The following CNNM4 variants were observed in gnomAD, a reference collection of about 807,000 sequenced individuals.
CNNM4 encodes the protein cyclin and CBS domain divalent metal cation transport mediator 4.
CNNM4 carries 32 observed loss-of-function variants against 53.7 expected under a neutral mutation model. That is an observed-to-expected ratio of 0.60 (90% CI 0.45 to 0.80). The LOEUF (loss-of-function observed/expected upper bound fraction) is 0.80. CNNM4 is among the 30% of genes least tolerant of loss of function. The pLI, the probability that CNNM4 is intolerant of heterozygous loss-of-function variation, is 0.00. For synonymous variants in CNNM4, 410 were observed against 440.0 expected, an observed-to-expected ratio of 0.93 and a Z score of 0.85; for missense variants, 784 against 1,022.0, an observed-to-expected ratio of 0.77 and a Z score of 3.17.
chr2:96,809,550 G>A lies in CNNM4; in HGVS notation c.*33G>A, dbSNP rs376793247. The A allele has an allele frequency of 1.3e-5, 21 of 1,602,754 alleles. No individual in the cohort carries two copies. The highest frequency in any genetic ancestry group is 5.0e-5 in the Admixed American group (3 of 59,868). On this transcript the variant is annotated 3_prime_UTR_variant, in exon 7 of 7. Coordinates refer to ENST00000377075, the MANE Select transcript of CNNM4 (RefSeq NM_020184.4). ...GCCCGGGGCCCCCTGCCCACCCTGC[G>A]GGGGCCTCCCCAGTGGGCCCACATG...
In CNNM4 at chr2:96,797,424, C is replaced by A; in HGVS notation, c.1547-89C>A. 6.4e-7 allele frequency: 1 copy of A among 1,563,606 alleles called. No individual in the cohort carries two copies. Among genetic ancestry groups the A allele is most frequent in the Non-Finnish European group, 8.7e-7 (1 of 1,145,094 alleles). On this transcript the variant is annotated intron_variant, in intron 2 of 6. Coordinates refer to ENST00000377075, the MANE Select transcript of CNNM4 (RefSeq NM_020184.4). The surrounding 1 kb of genome is among the most constrained non-coding windows in gnomAD (Gnocchi z 6.0). ...TGCTGCTCCTGCGTGGGACTAGGGG[C>A]TGGAGAGCAGGAGCTGCGGGGCGGG...
rs764778181 is a variant in CNNM4, at chr2:96,809,523, G to T, written c.*6G>T. ...CCCACGAGAATGCCATCTGACAGGAGGGCCCGGGGCCCCCTGCCCACCCTG... is the reference window on the plus strand; with the variant it reads ...CCCACGAGAATGCCATCTGACAGGATGGCCCGGGGCCCCCTGCCCACCCTG... On this transcript the variant is annotated 3_prime_UTR_variant, in exon 7 of 7. Transcript: ENST00000377075. 6.2e-7 allele frequency: 1 copy of T among 1,614,056 alleles called. No homozygotes were observed. Among genetic ancestry groups the T allele is most frequent in the Admixed American group, 1.7e-5 (1 of 60,022 alleles).
rs563175024 is a variant in CNNM4 at position 96,770,471 on chromosome 2, G to A, written c.1402+8070G>A. Among the ~76,000 whole-genome samples the A allele has an allele frequency of 2.8e-3, 428 of 152,264 alleles. 2 individuals carry two copies. The highest frequency in any genetic ancestry group is 9.8e-3 in the African/African-American group (408 of 41,570). ...ACATTTCAGCGGAATTTGCTAGGGC[G>A]GGTAGACATGGCGTTTTCCACTCTG... On this transcript the variant is annotated intron_variant, in intron 1 of 6. Coordinates refer to ENST00000377075, the MANE Select transcript of CNNM4 (RefSeq NM_020184.4).
intron 1 of CNNM4, among the ~76,000 whole-genome samples, chr2:96,775,448 A>C (rs2078915965): frequency 6.6e-6 from 1 of 152,126 alleles, no homozygotes; most frequent in African/African-American, 2.4e-5. Context: ...AATATTGTTG[A>C]TGGACATTGC....
intron 5 of CNNM4, among the ~76,000 whole-genome samples, chr2:96,803,530 G>A (rs1470267035): frequency 6.6e-6 from 1 of 152,072 alleles, no homozygotes; most frequent in Non-Finnish European, 1.5e-5. Context: ...TTCGAGACCA[G>A]CCTTGGCCAA....
chr2:96,768,892 G>A (rs888221800), intron 1 of CNNM4, among the ~76,000 whole-genome samples: 14 of 152,200 alleles, frequency 9.2e-5, no homozygotes. Flanking sequence ...ATCTAGGCAG[G>A]CATGCAGGGG....
rs933665899 is a variant in CNNM4, at chr2:96,761,591, A to C, written c.592A>C (p.Ile198Leu). Reference sequence around the variant, plus strand: ...TACGGTGCTGCTGGTGCTGTCGGGCATATTTTCTGGCCTCAACCTCGGGCT... The same window carrying C: ...TACGGTGCTGCTGGTGCTGTCGGGCCTATTTTCTGGCCTCAACCTCGGGCT... Reference protein sequence around the residue: ...LITVLLVLSGIFSGLNLGLMA... With the variant: ...LITVLLVLSGLFSGLNLGLMA... Residue 198 changes from isoleucine to leucine, a missense_variant, in exon 1 of 7, where the codon ATA becomes CTA. Ile to Leu is a conservative substitution (Grantham distance 5). Transcript: ENST00000377075. The surrounding 1 kb of genome is among the most constrained non-coding windows in gnomAD (Gnocchi z 6.0). 1 of 1,613,986 alleles carries C rather than the reference A, an allele frequency of 6.2e-7. No individual in the cohort carries two copies. The highest frequency in any genetic ancestry group is 1.3e-5 in the African/African-American group (1 of 74,916).
rs148013233 is a variant in CNNM4, at chr2:96,761,144, A to T, written c.145A>T (p.Met49Leu). ...GSPQQGTIVG[M>L]RLASCNKSCG... ...CCCCCAGCAGGGCACGATCGTGGGC[A>T]TGAGGCTGGCGAGCTGCAACAAGTC... The change falls in exon 1 of 7, where the codon ATG becomes TTG. Residue 49 changes from methionine to leucine, a missense_variant. Around this residue, in one of 3 missense-constraint regions of CNNM4, gnomAD observed 473 missense variants for 624.6 expected, o/e 0.76. Transcript: ENST00000377075. This position sits in a 1 kb window ranked among gnomAD's most constrained non-coding sequence, Gnocchi z 6.0. The T allele has an allele frequency of 5.6e-6, 9 of 1,604,962 alleles. No individual in the cohort carries two copies. The African/African-American group carries it at 1.1e-4, about 19-fold the overall frequency.
Position 96,799,194 on chromosome 2 carries a change from A to C in CNNM4, c.1819A>C (p.Lys607Gln). Residue 607 changes from lysine to glutamine, a missense_variant, in exon 4 of 7, where the codon AAG becomes CAG. Lys to Gln is a moderately conservative substitution (Grantham distance 53). This residue lies in a region of CNNM4 where 307 missense variants were observed against 376.3 expected (regional missense o/e 0.82). Transcript: ENST00000377075. ...CCGCCATTACCTGTACACCCGAAAT[A>C]AGCCGGCCGACTACTTCATCCTCAT... is the stretch of plus-strand genomic sequence containing the variant. ...YARHYLYTRN[K>Q]PADYFILILQ... The C allele has an allele frequency of 6.2e-7, 1 of 1,614,148 alleles. No homozygotes were observed. The highest frequency in any genetic ancestry group is 8.5e-7 in the Non-Finnish European group (1 of 1,180,008).
Position 96,760,980 on chromosome 2 carries a change from G to GGCGGCA in CNNM4, c.-18_-13dup. On this transcript the variant is annotated 5_prime_UTR_variant, in exon 1 of 7. Coordinates refer to ENST00000377075, the MANE Select transcript of CNNM4 (RefSeq NM_020184.4). ...GCGGCGTGGCGCGGGGAGCGGCGGC[G>GGCGGCA]GCGGCAGAGCCAGAGCAACATGGCG... The GGCGGCA allele has an allele frequency of 1.9e-6, 2 of 1,057,966 alleles. No individual in the cohort carries two copies. The highest frequency in any genetic ancestry group is 1.7e-5 in the African/African-American group (1 of 58,802). 65.5% of individuals were successfully genotyped at this position (1,057,966 alleles called of 1,614,324 possible). A position where few individuals can be genotyped will look rare whatever the true frequency, so the allele number is the denominator to read the frequency against.
intron 1 of CNNM4, among the ~76,000 whole-genome samples, chr2:96,775,223 A>G (rs1312406937): frequency 2.0e-5 from 3 of 151,870 alleles, no homozygotes; most frequent in African/African-American, 7.3e-5. Flanking sequence ...CCCACCCCTG[A>G]CCCCATGCAC....
intron 1 of CNNM4, among the ~76,000 whole-genome samples, chr2:96,793,939 C>T (rs2079082542): frequency 6.6e-6 from 1 of 152,160 alleles, no homozygotes; most frequent in Non-Finnish European, 1.5e-5. Context: ...TGGGCCACTC[C>T]AGCCTAGGCT....
intron 1 of CNNM4, among the ~76,000 whole-genome samples, chr2:96,795,855 G>T (rs1403432112): frequency 6.6e-6 from 1 of 152,122 alleles, no homozygotes; most frequent in Non-Finnish European, 1.5e-5. Flanking sequence ...TTCTTGGCTG[G>T]ACCCTCTTGC....
intron 1 of CNNM4, among the ~76,000 whole-genome samples, 195 bp from the exon 2 acceptor site, chr2:96,796,817 A>T (rs2079108422): frequency 6.6e-6 from 1 of 152,236 alleles, no homozygotes; most frequent in Non-Finnish European, 1.5e-5. Flanking sequence ...TGCTTTTAAA[A>T]ATTACTTTTA....
rs1243383808 is a variant in CNNM4 at position 96,804,405 on chromosome 2, A to ATT, written c.1949-4144_1949-4143dup. ...CCAGGAACCCCCAGCTAAGTTTTGT[A>ATT]TTTTTTTTTTTTTGAGATGGAGTCT... On this transcript the variant is annotated intron_variant, in intron 5 of 6. Transcript: ENST00000377075. Among the ~76,000 whole-genome samples the ATT allele has an allele frequency of 2.1e-4, 19 of 90,146 alleles. No individual in the cohort carries two copies. The East Asian group carries it at 5.5e-3, about 26-fold the overall frequency. The allele number at this position is 90,146 out of a possible 152,430, so 59.1% of individuals were successfully genotyped here. A position where few individuals can be genotyped will look rare whatever the true frequency, so the allele number is the denominator to read the frequency against.
At chr2:96,794,117 T>C (rs2079083911) in intron 1 of CNNM4, among the ~76,000 whole-genome samples, 1 of 152,114 alleles carries the variant, frequency 6.6e-6, no homozygotes, top group South Asian at 2.1e-4. Context: ...TGAACAAGGT[T>C]CTGCTCACTG....
In CNNM4 at chr2:96,802,915, T is replaced by A. The variant is rs189496312; in HGVS notation, c.1948+3267T>A. On this transcript the variant is annotated intron_variant, in intron 5 of 6. Coordinates refer to ENST00000377075, the MANE Select transcript of CNNM4 (RefSeq NM_020184.4). The stretch of plus-strand genomic sequence containing the variant: ...CGCAGAGGGCACAGGACGGTGCTGG[T>A]CTCATCAGGTGTGGCCTGTGCCCAT... 1.5e-4 allele frequency among the ~76,000 whole-genome samples: 23 copies of A among 152,188 alleles called. No homozygotes were observed. In the East Asian group the frequency reaches 4.4e-3, roughly 29 times the overall value.
Position 96,800,658 on chromosome 2 carries a change from T to C in CNNM4, c.1948+1010T>C, listed in dbSNP as rs1227498231. Among the ~76,000 whole-genome samples, 1 of 152,240 alleles carries C rather than the reference T, an allele frequency of 6.6e-6. No homozygotes were observed. Among genetic ancestry groups the C allele is most frequent in the East Asian group, 1.9e-4 (1 of 5,194 alleles). ...CTATCAGATGCCTCAGGCCTGGGGA[T>C]GACTTCCTGTGCCTCCAAGAGCAGC... is the stretch of plus-strand genomic sequence containing the variant. On this transcript the variant is annotated intron_variant, in intron 5 of 6. Transcript: ENST00000377075. This position sits in a 1 kb window ranked among gnomAD's most constrained non-coding sequence, Gnocchi z 4.6.
At chr2:96,780,092 G>A (rs562824027) in intron 1 of CNNM4, among the ~76,000 whole-genome samples, 1 of 152,048 alleles carries the variant, frequency 6.6e-6, no homozygotes, top group Admixed American at 6.6e-5. Flanking sequence ...GAGCCACCGC[G>A]CCTGGCCAGA....
Sources: allele counts gnomAD v4.1 joint callset (sites outside exome capture counted in the v4.1 genomes callset), GRCh38; gene constraint gnomAD v4.1.1; regional missense constraint gnomAD v4.1.1; non-coding constraint Gnocchi (gnomAD v3.1); transcripts MANE v1.5; gene names NCBI Gene and HGNC (gene_info 2026-07-23, HGNC 2026-07-21).